The following FRMD3 variants were observed in gnomAD, a reference collection of about 807,000 sequenced individuals.
FRMD3 encodes the protein FERM domain containing 3.
In FRMD3, 33 loss-of-function variants were observed where a neutral mutation model predicts 70.2. The ratio of observed to expected loss-of-function variants is 0.47; its 90% CI spans 0.36 to 0.63. The LOEUF is 0.63. Among genes scored for constraint, FRMD3 ranks in the 20% least tolerant of loss-of-function variants. FRMD3 has a pLI of 0.00. For missense variants in FRMD3, 632 were observed against 711.4 expected (o/e 0.89, Z 1.27); for synonymous variants, 279 against 255.9 (o/e 1.09, Z -0.86).
At chr9:83,566,613 G>A in the FRMD3 span, among the ~76,000 whole-genome samples, 4 of 152,276 alleles carry the variant, frequency 2.6e-5, no homozygotes, top group East Asian at 7.7e-4. Flanking sequence ...TACAATGGGG[G>A]TACAGTATTG....
intron 3 of FRMD3, among the ~76,000 whole-genome samples, chr9:83,353,297 AC>A (rs1332783796): frequency 1.3e-5 from 2 of 150,984 alleles, no homozygotes; most frequent in Non-Finnish European, 3.0e-5. Flanking sequence ...GAGGGGGGGC[AC>A]TTTTTCTTTA....
chr9:83,516,631 A>T (rs1479346938), intron 1 of FRMD3, among the ~76,000 whole-genome samples: 1 of 152,238 alleles, frequency 6.6e-6, no homozygotes, highest in Non-Finnish European at 1.5e-5. Flanking sequence ...CCTAATAGAC[A>T]TCTTCAGAAC....
At chr9:83,514,028 C>T (rs1311670934) in intron 1 of FRMD3, among the ~76,000 whole-genome samples, 1 of 152,186 alleles carries the variant, frequency 6.6e-6, no homozygotes, top group African/African-American at 2.4e-5. Context: ...AAGCACATAG[C>T]TGGGCAGCCA....
At chr9:83,503,069 T>C (rs1443999696) in intron 1 of FRMD3, among the ~76,000 whole-genome samples, 2 of 152,262 alleles carry the variant, frequency 1.3e-5, no homozygotes, top group South Asian at 2.1e-4. Flanking sequence ...CAAAAGACTA[T>C]TGGGAAGGGC....
chr9:83,307,297 A>G (rs1381767991), intron 10 of FRMD3, among the ~76,000 whole-genome samples: 1 of 152,248 alleles, frequency 6.6e-6, no homozygotes, highest in Non-Finnish European at 1.5e-5. Context: ...GAGTTACCCT[A>G]TGACCCAGCA....
At chr9:83,337,778 C>T (rs544564108) in intron 5 of FRMD3, among the ~76,000 whole-genome samples, 2 of 152,290 alleles carry the variant, frequency 1.3e-5, no homozygotes, top group East Asian at 3.9e-4. Flanking sequence ...GAAATCAAAG[C>T]TCTTTAAAGC....
chr9:83,562,891 GC>G, the FRMD3 span, among the ~76,000 whole-genome samples: 3,261 of 143,986 alleles, frequency 0.023, 115 homozygotes, highest in African/African-American at 0.078. Flanking sequence ...TATGGCCAAT[GC>G]CCCCCCCCCA....
the FRMD3 span, among the ~76,000 whole-genome samples, chr9:83,548,928 C>G: frequency 3.3e-5 from 5 of 152,100 alleles, no homozygotes; most frequent in African/African-American, 7.2e-5. Flanking sequence ...GTAGTATTTA[C>G]AACTAATTGA....
chr9:83,555,378 C>T, the FRMD3 span, among the ~76,000 whole-genome samples: 1 of 151,952 alleles, frequency 6.6e-6, no homozygotes, highest in South Asian at 2.1e-4. Flanking sequence ...GGATCAGGCA[C>T]CCACTTAAAG....
intron 1 of FRMD3, among the ~76,000 whole-genome samples, chr9:83,427,761 AT>A (rs1355673996): frequency 6.6e-6 from 1 of 152,184 alleles, no homozygotes. Flanking sequence ...ATGAATAAGC[AT>A]TTCACAGAAG....
intron 13 of FRMD3, among the ~76,000 whole-genome samples, chr9:83,255,984 C>CGGTA (rs1402845498): frequency 6.6e-6 from 1 of 152,144 alleles, no homozygotes; most frequent in African/African-American, 2.4e-5. Flanking sequence ...TCCCATTGAA[C>CGGTA]TACCATTCAG....
chr9:83,266,929 G>T, intron 13 of FRMD3: 1 of 1,386,300 alleles, frequency 7.2e-7, no homozygotes, highest in Non-Finnish European at 9.8e-7. Context: ...TTCACCCTGG[G>T]CCTCTCTCCA....
chr9:83,560,471 C>A, the FRMD3 span, among the ~76,000 whole-genome samples: 2 of 152,170 alleles, frequency 1.3e-5, no homozygotes, highest in Non-Finnish European at 2.9e-5. Flanking sequence ...CAACCTGTAG[C>A]CTTAATCGGA....
the FRMD3 span, among the ~76,000 whole-genome samples, chr9:83,560,547 GAATA>G: frequency 6.6e-6 from 1 of 152,328 alleles, no homozygotes; most frequent in African/African-American, 2.4e-5. Flanking sequence ...GTGAGAGTGA[GAATA>G]AATGCGTGTT....
At chr9:83,368,486 T>A (rs1824862558) in intron 3 of FRMD3, among the ~76,000 whole-genome samples, 1 of 151,582 alleles carries the variant, frequency 6.6e-6, no homozygotes, top group Non-Finnish European at 1.5e-5. Context: ...CTATGTTAAT[T>A]TAAAAATTAA....
At chr9:83,488,972 T>TGTGTGTGTG (rs1554711650) in intron 1 of FRMD3, among the ~76,000 whole-genome samples, 2 of 135,640 alleles carry the variant, frequency 1.5e-5, no homozygotes, top group East Asian at 4.0e-4. Flanking sequence ...CCCTATACCT[T>TGTGTGTGTG]TGTGTGTGTG....
At chr9:83,412,136 A>G (rs1348938204) in intron 1 of FRMD3, among the ~76,000 whole-genome samples, 2 of 147,054 alleles carry the variant, frequency 1.4e-5, no homozygotes, top group Non-Finnish European at 3.0e-5. Context: ...CTTCACTTAA[A>G]TATCAACAAC....
At chr9:83,328,541 G>A (rs571166452) in intron 6 of FRMD3, among the ~76,000 whole-genome samples, 3 of 152,298 alleles carry the variant, frequency 2.0e-5, no homozygotes, top group Non-Finnish European at 2.9e-5. Flanking sequence ...CTTGATAGTC[G>A]AAGGCGCTAA....
At chr9:83,497,196 C>T (rs1272391285) in intron 1 of FRMD3, among the ~76,000 whole-genome samples, 1 of 152,126 alleles carries the variant, frequency 6.6e-6, no homozygotes, top group African/African-American at 2.4e-5. Flanking sequence ...ATACTCTTTC[C>T]ATTTGTGTTT....
Sources: gnomAD v4.1 joint callset for allele counts (sites outside exome capture counted in the v4.1 genomes callset) on GRCh38, gnomAD v4.1.1 for gene constraint, MANE v1.5 for transcripts, NCBI Gene and HGNC (gene_info 2026-07-23, HGNC 2026-07-21) for gene names.